The following NEK1 variants were observed in gnomAD, a reference collection of about 807,000 sequenced individuals.
NEK1 encodes the protein serine/threonine-protein kinase Nek1.
In NEK1, 137 loss-of-function variants were observed where a neutral mutation model predicts 182.1. The ratio of observed to expected loss-of-function variants is 0.75; its 90% CI spans 0.65 to 0.87. The LOEUF (loss-of-function observed/expected upper bound fraction) is 0.87, where lower values mean the gene tolerates loss of function less well. NEK1 is among the 40% of genes least tolerant of loss of function. NEK1 has a pLI of 0.00. For missense variants in NEK1, 1,391 were observed against 1,494.4 expected (o/e 0.93, Z 1.14); for synonymous variants, 513 against 492.2 (o/e 1.04, Z -0.56).
At position 169,545,053 on chromosome 4, in the gene NEK1, C is replaced by CTTT. The variant is rs200190997; in HGVS notation, c.1563-7145_1563-7143dup. ...TTTGTTTGCTCTTGCTTCTCTGATT[C>CTTT]TTTTTTTTTTTTTTTATACTTTAAG... is the stretch of plus-strand genomic sequence containing the variant. On this transcript the variant is annotated intron_variant, in intron 18 of 35. Coordinates refer to ENST00000507142, the MANE Select transcript of NEK1 (RefSeq NM_001199397.3). Among the ~76,000 whole-genome samples the CTTT allele has an allele frequency of 4.9e-3, 677 of 137,808 alleles. 5 individuals are homozygous for CTTT. Among genetic ancestry groups the CTTT allele is most frequent in the African/African-American group, 0.017 (636 of 37,228 alleles). The allele number at this position is 137,808 out of a possible 152,430, so 90.4% of individuals were successfully genotyped here.
At chr4:169,437,645 A>G (rs1738669342) in intron 28 of NEK1, among the ~76,000 whole-genome samples, 1 of 152,334 alleles carries the variant, frequency 6.6e-6, no homozygotes, top group African/African-American at 2.4e-5. Flanking sequence ...AAGTCAGACT[A>G]TCCTGCCAGA....
At chr4:169,539,322 A>G (rs1236974208) in intron 18 of NEK1, among the ~76,000 whole-genome samples, 2 of 152,196 alleles carry the variant, frequency 1.3e-5, no homozygotes, top group Admixed American at 6.5e-5. Context: ...TCTCCTGCAT[A>G]TATCAATGTA....
intron 27 of NEK1, among the ~76,000 whole-genome samples, chr4:169,444,799 A>T (rs1740189443): frequency 6.6e-6 from 1 of 152,194 alleles, no homozygotes; most frequent in Non-Finnish European, 1.5e-5. Context: ...CAGAATATAC[A>T]TTCTTCTCAT....
At chr4:169,576,476 C>T (rs549698430) in intron 12 of NEK1, 63 of 154,588 alleles carry the variant, frequency 4.1e-4, no homozygotes, top group Non-Finnish European at 5.4e-4. Context: ...TTGGGCATGT[C>T]GCTTAAATTC....
rs1354368679 is a variant in NEK1 at position 169,599,973 on chromosome 4, G to A, written c.215-776C>T. 7.3e-5 allele frequency among the ~76,000 whole-genome samples: 11 copies of A among 150,960 alleles called. No homozygotes were observed. In the South Asian group the frequency reaches 8.4e-4, roughly 11 times the overall value. On this transcript the variant is annotated intron_variant, in intron 4 of 35. Coordinates refer to ENST00000507142, the MANE Select transcript of NEK1 (RefSeq NM_001199397.3). ...GCTCCTGGGCTCAAGGGAACCTCTC[G>A]CCTCAGCCTCCCCAATAGCTAGGAC...
chr4:169,552,575 T>C (rs1440342685), intron 18 of NEK1, among the ~76,000 whole-genome samples: 1 of 152,042 alleles, frequency 6.6e-6, no homozygotes, highest in Non-Finnish European at 1.5e-5. Flanking sequence ...CAACATCATA[T>C]TGGAAGTTCT....
At chr4:169,459,045 G>GAA (rs59040365) in intron 27 of NEK1, among the ~76,000 whole-genome samples, 11 of 142,864 alleles carry the variant, frequency 7.7e-5, no homozygotes, top group Non-Finnish European at 1.2e-4. Flanking sequence ...TCCAAAATCT[G>GAA]AAAAAAAAAA....
chr4:169,584,671 A>G (rs555761415), intron 10 of NEK1, among the ~76,000 whole-genome samples: 2 of 152,342 alleles, frequency 1.3e-5, no homozygotes, highest in South Asian at 4.1e-4. Flanking sequence ...GTGATATTTA[A>G]GACATTAAAT....
At chr4:169,483,865 C>A (rs1301726242) in intron 23 of NEK1, among the ~76,000 whole-genome samples, 1,883 of 117,016 alleles carry the variant, frequency 0.016, no homozygotes, top group Middle Eastern at 0.028. Flanking sequence ...GACTCTGTCT[C>A]AAAAAAAAAA....
At chr4:169,461,295 G>C (rs2149495585) in intron 27 of NEK1, among the ~76,000 whole-genome samples, 1 of 152,008 alleles carries the variant, frequency 6.6e-6, no homozygotes, top group African/African-American at 2.4e-5. Context: ...TGAGTTATTT[G>C]AAAAACAATC....
At chr4:169,567,693 CA>C (rs1763940861) in intron 12 of NEK1, among the ~76,000 whole-genome samples, 1 of 152,144 alleles carries the variant, frequency 6.6e-6, no homozygotes, top group Non-Finnish European at 1.5e-5. Flanking sequence ...TGCACCTAGC[CA>C]GTGAAATGTT....
At chr4:169,414,729 A>G (rs1017124964) in intron 31 of NEK1, among the ~76,000 whole-genome samples, 1 of 152,244 alleles carries the variant, frequency 6.6e-6, no homozygotes, top group South Asian at 2.1e-4. Flanking sequence ...AAATACCTTT[A>G]GCTGTGAGGT....
chr4:169,596,267 T>C (rs941200544), intron 5 of NEK1, among the ~76,000 whole-genome samples: 1 of 152,236 alleles, frequency 6.6e-6, no homozygotes, highest in Non-Finnish European at 1.5e-5. Context: ...AGTTGTTTGA[T>C]AATATAATGC....
intron 19 of NEK1, among the ~76,000 whole-genome samples, chr4:169,510,295 C>T (rs1561322427): frequency 6.6e-6 from 1 of 152,146 alleles, no homozygotes; most frequent in Non-Finnish European, 1.5e-5. Context: ...CAACTCCACT[C>T]TTACGCAGCA....
chr4:169,507,183 G>GTTTTT lies in NEK1; in HGVS notation c.1912-56_1912-52dup, dbSNP rs372604613. On this transcript the variant is annotated intron_variant, in intron 22 of 35. Transcript: ENST00000507142. ...TGAGTTACCAGAAAGAAGGGCAGAG[G>GTTTTT]TTTTTTTTTTTTTTTTTGGGCCAGG... The GTTTTT allele has an allele frequency of 2.1e-4, 122 of 584,066 alleles. 1 individual carries two copies. Among genetic ancestry groups the GTTTTT allele is most frequent in the South Asian group, 4.8e-4 (16 of 33,422 alleles). The allele number at this position is 584,066 out of a possible 1,614,324, so 36.2% of individuals were successfully genotyped here.
chr4:169,479,403 C>T lies in NEK1; in HGVS notation c.2139G>A (p.Val713=). 6.2e-7 allele frequency: 1 copy of T among 1,604,212 alleles called. No homozygotes were observed. The highest frequency in any genetic ancestry group is 8.5e-7 in the Non-Finnish European group (1 of 1,175,844). Residue 713 remains valine, a splice_region_variant and synonymous_variant, in exon 24 of 36, where the codon GTG becomes GTA. Coordinates refer to ENST00000507142, the MANE Select transcript of NEK1 (RefSeq NM_001199397.3). ...GAGTTCTGAATCTTAGGAAACTTAC[C>T]ACGCCAACTTCTTTCAAAGCTGAAG... is the stretch of plus-strand genomic sequence containing the variant. ...SVTSALKEVG[V]DSSLTDTRET...
intron 35 of NEK1, among the ~76,000 whole-genome samples, chr4:169,395,704 A>G (rs896179192): frequency 6.6e-6 from 1 of 152,214 alleles, no homozygotes; most frequent in Non-Finnish European, 1.5e-5. Context: ...ACTTTTGGCC[A>G]TAGTGGTTTG....
intron 29 of NEK1, among the ~76,000 whole-genome samples, chr4:169,428,192 T>G (rs1016763281): frequency 1.3e-4 from 20 of 151,798 alleles, no homozygotes; most frequent in African/African-American, 4.8e-4. Flanking sequence ...AACTACCATA[T>G]GATGCCACAA....
At chr4:169,410,194 T>C (rs1050270585) in intron 31 of NEK1, among the ~76,000 whole-genome samples, 1 of 152,102 alleles carries the variant, frequency 6.6e-6, no homozygotes, top group Non-Finnish European at 1.5e-5. Flanking sequence ...TCATGTACAG[T>C]ATTTTTTTTT....
Sources: gnomAD v4.1 joint callset for allele counts (sites outside exome capture counted in the v4.1 genomes callset) on GRCh38, gnomAD v4.1.1 for gene constraint, MANE v1.5 for transcripts, NCBI Gene and HGNC (gene_info 2026-07-23, HGNC 2026-07-21) for gene names.